Variants in TRAPPC10 observed in about 807,000 individuals in gnomAD.
TRAPPC10 encodes the protein TRAPP 130 kDa subunit.
In TRAPPC10, 23 loss-of-function variants were observed where a neutral mutation model predicts 125.5. The ratio of observed to expected loss-of-function variants is 0.18; its 90% CI spans 0.13 to 0.26. TRAPPC10 has a LOEUF of 0.26. TRAPPC10 is among the 10% of genes least tolerant of loss of function. The pLI is 1.00. For missense variants in TRAPPC10, 1,123 were observed against 1,308.4 expected (o/e 0.86, Z 2.19); for synonymous variants, 509 against 518.0 (o/e 0.98, Z 0.24).
chr21:44,044,897 C>T (rs970260474), intron 3 of TRAPPC10, among the ~76,000 whole-genome samples: 5 of 151,920 alleles, frequency 3.3e-5, no homozygotes, highest in East Asian at 1.9e-4. Flanking sequence ...AACTCCTGAC[C>T]GCAGGTGATC....
chr21:44,079,217 G>A (rs1351377976), intron 11 of TRAPPC10, among the ~76,000 whole-genome samples: 1 of 152,040 alleles, frequency 6.6e-6, no homozygotes, highest in Non-Finnish European at 1.5e-5. Flanking sequence ...TCTTAGCCTT[G>A]GCCCTCTTGC....
intron 3 of TRAPPC10, chr21:44,046,738 C>G (rs1398515725): frequency 2.6e-5 from 10 of 389,776 alleles, no homozygotes; most frequent in South Asian, 2.2e-4. Context: ...GAACTTCCAA[C>G]CTCAGGCGAT....
chr21:44,083,579 CT>C lies in TRAPPC10; in HGVS notation c.2238+280del, dbSNP rs533532652. On this transcript the variant is annotated intron_variant, in intron 14 of 22. Coordinates refer to ENST00000291574, the MANE Select transcript of TRAPPC10 (RefSeq NM_003274.5). The stretch of plus-strand genomic sequence containing the variant: ...TCATTGGATTATTGGATTCAGTTAG[CT>C]TTCCCCCCTGCATATGAAAATACAC... 9.9e-4 allele frequency among the ~76,000 whole-genome samples: 151 copies of C among 152,324 alleles called. 1 individual carries two copies. The highest frequency in any genetic ancestry group is 3.4e-3 in the Admixed American group (52 of 15,300).
At position 44,045,557 on chromosome 21, in the gene TRAPPC10, C is replaced by CT. The variant is rs536730788; in HGVS notation, c.286-6717dup. ...CTTTGCATTTTAAGATTTTTTCTTTCTTTTTTCTTTTTTTGAGAGAGTCTC... is the reference window on the plus strand; with the variant it reads ...CTTTGCATTTTAAGATTTTTTCTTTCTTTTTTTCTTTTTTTGAGAGAGTCTC... On this transcript the variant is annotated intron_variant, in intron 3 of 22. Coordinates refer to ENST00000291574, the MANE Select transcript of TRAPPC10 (RefSeq NM_003274.5). Among the ~76,000 whole-genome samples, 3 of 150,400 alleles carry CT rather than the reference C, an allele frequency of 2.0e-5. No individual in the cohort carries two copies. In the South Asian group the frequency reaches 6.4e-4, roughly 32 times the overall value.
chr21:44,036,114 C>G (rs1469749602), intron 2 of TRAPPC10, among the ~76,000 whole-genome samples: 1 of 151,972 alleles, frequency 6.6e-6, no homozygotes, highest in African/African-American at 2.4e-5. Context: ...CAAGCTTCTC[C>G]CAGAAGGGAG....
At position 44,016,898 on chromosome 21, in the gene TRAPPC10, G is replaced by A. The variant is rs535684568; in HGVS notation, c.67+4338G>A. Among the ~76,000 whole-genome samples, 15 of 152,164 alleles carry A rather than the reference G, an allele frequency of 9.9e-5. No homozygotes were observed. The East Asian group carries it at 1.3e-3, about 14-fold the overall frequency. On this transcript the variant is annotated intron_variant, in intron 1 of 22. Coordinates refer to ENST00000291574, the MANE Select transcript of TRAPPC10 (RefSeq NM_003274.5). Reference sequence around the variant, plus strand: ...TGGTCTTGATCTGACCTTGTGATCTGCCCGCCTCAGCCTCCCAAAGTGCTG... The same window carrying A: ...TGGTCTTGATCTGACCTTGTGATCTACCCGCCTCAGCCTCCCAAAGTGCTG...
At chr21:44,053,772 G>A (rs1182441895) in intron 4 of TRAPPC10, among the ~76,000 whole-genome samples, 1 of 152,208 alleles carries the variant, frequency 6.6e-6, no homozygotes, top group Non-Finnish European at 1.5e-5. Flanking sequence ...TCCAGCCCCT[G>A]CAGTCTGCGC....
intron 3 of TRAPPC10, 127 bp downstream of exon 3, chr21:44,038,054 C>CTG: frequency 7.6e-7 from 1 of 1,320,508 alleles, no homozygotes; most frequent in Non-Finnish European, 1.0e-6. Flanking sequence ...GTGGAGAGTG[C>CTG]TGTGTGAGTA....
intron 18 of TRAPPC10, among the ~76,000 whole-genome samples, chr21:44,091,304 G>A (rs914881381): frequency 3.3e-5 from 5 of 152,262 alleles, no homozygotes; most frequent in Non-Finnish European, 5.9e-5. Flanking sequence ...GAGGAGGGCT[G>A]CTGCTGTCTC....
intron 7 of TRAPPC10, among the ~76,000 whole-genome samples, chr21:44,070,010 A>G (rs1474181288): frequency 1.3e-5 from 2 of 151,936 alleles, no homozygotes; most frequent in African/African-American, 2.4e-5. Context: ...AAGAGAGGGC[A>G]TACTTTTTGA....
intron 19 of TRAPPC10, among the ~76,000 whole-genome samples, chr21:44,092,415 G>A (rs573599174): frequency 1.1e-4 from 17 of 152,318 alleles, no homozygotes; most frequent in African/African-American, 3.6e-4. Context: ...CGACACCTTG[G>A]TGCCTTTGTA....
chr21:44,013,945 G>A (rs1475746984), intron 1 of TRAPPC10, among the ~76,000 whole-genome samples: 2 of 152,202 alleles, frequency 1.3e-5, no homozygotes, highest in East Asian at 1.9e-4. Context: ...ATTTCCCAGG[G>A]GCTTTCCCAG....
chr21:44,091,015 A>AC (rs1285415643), intron 18 of TRAPPC10, among the ~76,000 whole-genome samples: 1 of 151,940 alleles, frequency 6.6e-6, no homozygotes, highest in African/African-American at 2.4e-5. Context: ...ACATAGTGAA[A>AC]CCCCGTCTCT....
chr21:44,066,732 T>C (rs1427082194), intron 7 of TRAPPC10, among the ~76,000 whole-genome samples: 1 of 152,228 alleles, frequency 6.6e-6, no homozygotes, highest in Admixed American at 6.5e-5. Flanking sequence ...TTCTTCAAAA[T>C]TCTTTGCAAT....
At chr21:44,056,480 C>G (rs983029648) in intron 5 of TRAPPC10, among the ~76,000 whole-genome samples, 23 of 152,230 alleles carry the variant, frequency 1.5e-4, no homozygotes, top group Middle Eastern at 3.4e-3. Context: ...GTGGGGAAAC[C>G]AGGTACATAC....
At chr21:44,073,389 A>G (rs1007527349) in intron 7 of TRAPPC10, among the ~76,000 whole-genome samples, 3 of 152,230 alleles carry the variant, frequency 2.0e-5, no homozygotes, top group Non-Finnish European at 4.4e-5. Context: ...GTGCCACCAG[A>G]GAAAAAGTCA....
chr21:44,058,821 C>G (rs2035811069), intron 5 of TRAPPC10, among the ~76,000 whole-genome samples: 1 of 152,230 alleles, frequency 6.6e-6, no homozygotes, highest in Non-Finnish European at 1.5e-5. Flanking sequence ...GTGGCCAGGT[C>G]CTGGACAGCA....
chr21:44,073,877 ATTT>A (rs1283601242), intron 7 of TRAPPC10, among the ~76,000 whole-genome samples: 26 of 152,136 alleles, frequency 1.7e-4, no homozygotes, highest in African/African-American at 6.0e-4. Context: ...CCAAGCAGTC[ATTT>A]GAGGTCTTAG....
In TRAPPC10 at chr21:44,023,324, C is replaced by A. The variant is rs141670240; in HGVS notation, c.68-8767C>A. 2.4e-3 allele frequency among the ~76,000 whole-genome samples: 367 copies of A among 152,150 alleles called. 2 individuals carry two copies. The highest frequency in any genetic ancestry group is 8.3e-3 in the African/African-American group (346 of 41,480). ...TGCTGGGATTACAGATGTGAGCCAC[C>A]GCGCCCGGCCTATGTAACCATTTTC... On this transcript the variant is annotated intron_variant, in intron 1 of 22. Transcript: ENST00000291574.
Sources: gnomAD v4.1 joint callset for allele counts (sites outside exome capture counted in the v4.1 genomes callset) on GRCh38, gnomAD v4.1.1 for gene constraint, MANE v1.5 for transcripts, NCBI Gene and HGNC (gene_info 2026-07-23, HGNC 2026-07-21) for gene names.